PTPRN2: variants seen among roughly 807,000 people sequenced by gnomAD.
PTPRN2 encodes the protein receptor-type tyrosine-protein phosphatase N2.
Under a neutral mutation model 118.8 loss-of-function variants are expected in PTPRN2, and 74 were observed. The ratio of observed to expected loss-of-function variants is 0.62; its 90% confidence interval spans 0.52 to 0.76. The LOEUF (loss-of-function observed/expected upper bound fraction) is 0.76. PTPRN2 is among the 30% of genes least tolerant of loss of function. PTPRN2 has a pLI of 0.00. For missense variants in PTPRN2, 1,481 were observed against 1,394.4 expected, an observed-to-expected ratio of 1.06 and a Z score of -0.99; for synonymous variants, 641 against 608.0, an observed-to-expected ratio of 1.05 and a Z score of -0.80.
chr7:157,944,335 C>T lies in PTPRN2; in HGVS notation c.1724-45598G>A, dbSNP rs996277188. ...CGGTCAGTGGAGCCCACCACCCAAG[C>T]GGGGGCGGTACCACTCCCACCACTG... is the stretch of plus-strand genomic sequence containing the variant. On this transcript the variant is annotated intron_variant, in intron 11 of 22. Transcript: ENST00000389418. This position sits in a 1 kb window ranked among gnomAD's most constrained non-coding sequence, Gnocchi z 4.3. Among the ~76,000 whole-genome samples, 13 of 152,154 alleles carry T rather than the reference C, an allele frequency of 8.5e-5. No homozygotes were observed. The highest frequency in any genetic ancestry group is 7.3e-5 in the Non-Finnish European group (5 of 68,034).
chr7:158,268,054 C>T (rs1797998889), intron 3 of PTPRN2, among the ~76,000 whole-genome samples: 1 of 152,178 alleles, frequency 6.6e-6, no homozygotes, highest in African/African-American at 2.4e-5. Flanking sequence ...GGTGTGACAG[C>T]CCATTTGAGC....
At chr7:158,100,877 C>T (rs567076193) in intron 10 of PTPRN2, among the ~76,000 whole-genome samples, 30 of 152,140 alleles carry the variant, frequency 2.0e-4, no homozygotes, top group Admixed American at 7.9e-4. Flanking sequence ...TCACAGATGA[C>T]GCAAACAAAT....
At chr7:158,001,564 G>A (rs1235269920) in intron 11 of PTPRN2, among the ~76,000 whole-genome samples, 2 of 152,042 alleles carry the variant, frequency 1.3e-5, no homozygotes, top group African/African-American at 2.4e-5. Flanking sequence ...CCTGAGGACC[G>A]GGAGGGCGGC....
chr7:158,342,699 ATAT>A (rs1254383437), intron 2 of PTPRN2, among the ~76,000 whole-genome samples: 1 of 152,192 alleles, frequency 6.6e-6, no homozygotes, highest in Non-Finnish European at 1.5e-5. Context: ...TCCCCATTCC[ATAT>A]TCAGAAACTA....
At chr7:157,958,209 T>C (rs1801302551) in intron 11 of PTPRN2, among the ~76,000 whole-genome samples, 1 of 152,090 alleles carries the variant, frequency 6.6e-6, no homozygotes, top group African/African-American at 2.4e-5. Context: ...TCTTTCATGA[T>C]AAAAACGCTC....
chr7:157,976,223 G>C (rs1181142029), intron 11 of PTPRN2, among the ~76,000 whole-genome samples: 1 of 152,226 alleles, frequency 6.6e-6, no homozygotes, highest in Non-Finnish European at 1.5e-5. Flanking sequence ...ATCAAGCTCT[G>C]ATCTTTCTTC....
At chr7:158,232,485 C>A (rs1829223893) in intron 3 of PTPRN2, among the ~76,000 whole-genome samples, 1 of 152,076 alleles carries the variant, frequency 6.6e-6, no homozygotes. Flanking sequence ...AGCCCAGGAC[C>A]TGATGCCTTC....
chr7:157,590,912 C>T lies in PTPRN2; in HGVS notation c.2496+4326G>A, dbSNP rs1286126657. ...ATGTCATGTGGGTGCCAATTAGCTG[C>T]TTGGAAAAGGTCTTTTTTCTTCTTA... On this transcript the variant is annotated intron_variant, in intron 17 of 22. Coordinates refer to ENST00000389418, the MANE Select transcript of PTPRN2 (RefSeq NM_002847.5). The surrounding 1 kb of genome is among the most constrained non-coding windows in gnomAD (Gnocchi z 4.0). Among the ~76,000 whole-genome samples the T allele has an allele frequency of 6.6e-6, 1 of 152,178 alleles. No individual in the cohort carries two copies. Among genetic ancestry groups the T allele is most frequent in the African/African-American group, 2.4e-5 (1 of 41,436 alleles).
At chr7:158,371,015 A>T (rs190291022) in intron 2 of PTPRN2, among the ~76,000 whole-genome samples, 222 of 152,340 alleles carry the variant, frequency 1.5e-3, no homozygotes, top group Middle Eastern at 6.8e-3. Flanking sequence ...GAAAAAAAGT[A>T]AAAAATGTAG....
chr7:158,103,865 A>AT (rs1225817208), intron 10 of PTPRN2, among the ~76,000 whole-genome samples: 1,821 of 149,940 alleles, frequency 0.012, 23 homozygotes, highest in Non-Finnish European at 0.015. Context: ...ACAGATTATT[A>AT]TTATTTTTTT....
rs764632235 is a variant in PTPRN2 at position 157,610,262 on chromosome 7, A to G, written c.2345-6187T>C. ...GGGGTTCCCTCCTCCCAGGGGCCTC[A>G]CGGAACTCGGCAATGGGGTTCCTTC... On this transcript the variant is annotated intron_variant, in intron 15 of 22. Coordinates refer to ENST00000389418, the MANE Select transcript of PTPRN2 (RefSeq NM_002847.5). The surrounding 1 kb of genome is among the most constrained non-coding windows in gnomAD (Gnocchi z 5.1). 1.3e-5 allele frequency among the ~76,000 whole-genome samples: 2 copies of G among 152,174 alleles called. No homozygotes were observed. The highest frequency in any genetic ancestry group is 1.5e-5 in the Non-Finnish European group (1 of 68,030).
intron 1 of PTPRN2, among the ~76,000 whole-genome samples, chr7:158,524,215 G>A (rs868573689): frequency 5.5e-4 from 25 of 45,412 alleles, no homozygotes; most frequent in Non-Finnish European, 8.2e-4. Flanking sequence ...GAGTGGAGTC[G>A]TCTACCCTGG....
intron 7 of PTPRN2, 81 bp from the exon 8 acceptor site, chr7:158,136,776 G>A (rs949937982): frequency 7.5e-7 from 1 of 1,333,518 alleles, no homozygotes. Context: ...GGGTGACCCT[G>A]CAGACCCCTC....
rs982793053 is a variant in PTPRN2, at chr7:157,614,440, A to G, written c.2344+6922T>C. 3.9e-5 allele frequency among the ~76,000 whole-genome samples: 6 copies of G among 152,252 alleles called. No homozygotes were observed. In the East Asian group the frequency reaches 9.6e-4, roughly 24 times the overall value. ...TTAGGTACCATTCATATCAGGAAAA[A>G]AAGTCAGGGACAGCTGTTTCAAAAT... On this transcript the variant is annotated intron_variant, in intron 15 of 22. Coordinates refer to ENST00000389418, the MANE Select transcript of PTPRN2 (RefSeq NM_002847.5).
chr7:158,317,492 G>C (rs1365520447), intron 2 of PTPRN2, among the ~76,000 whole-genome samples: 1 of 152,230 alleles, frequency 6.6e-6, no homozygotes, highest in Non-Finnish European at 1.5e-5. Flanking sequence ...AATTTATTTA[G>C]CTCGATTCCA....
At chr7:158,288,039 G>T (rs1799874660) in intron 3 of PTPRN2, among the ~76,000 whole-genome samples, 2 of 152,016 alleles carry the variant, frequency 1.3e-5, no homozygotes, top group Admixed American at 1.3e-4. Context: ...TTGATGAATT[G>T]ACCCCTTTAT....
intron 2 of PTPRN2, among the ~76,000 whole-genome samples, chr7:158,471,386 A>C (rs1406423474): frequency 2.0e-5 from 3 of 152,098 alleles, no homozygotes; most frequent in African/African-American, 7.2e-5. Context: ...AATTCTGAGG[A>C]CAAGTTTAAA....
At chr7:158,289,424 C>T (rs1020979498) in intron 3 of PTPRN2, among the ~76,000 whole-genome samples, 1 of 152,150 alleles carries the variant, frequency 6.6e-6, no homozygotes, top group African/African-American at 2.4e-5. Context: ...GATTCTGTTT[C>T]ATCAATTCTG....
rs549088802 is a variant in PTPRN2, at chr7:158,511,615, G to A, written c.113-21830C>T. The stretch of plus-strand genomic sequence containing the variant: ...GAAACTTCTCCAGGCAACCCTGGCC[G>A]CACAGCTTTGCCTCTCACACAATCG... On this transcript the variant is annotated intron_variant, in intron 1 of 22. Transcript: ENST00000389418. Among the ~76,000 whole-genome samples, 166 of 152,280 alleles carry A rather than the reference G, an allele frequency of 1.1e-3. 3 individuals are homozygous for A. Among genetic ancestry groups the A allele is most frequent in the Middle Eastern group, 6.8e-3 (2 of 294 alleles).
Sources: allele counts gnomAD v4.1 joint callset (sites outside exome capture counted in the v4.1 genomes callset), GRCh38; gene constraint gnomAD v4.1.1; non-coding constraint Gnocchi (gnomAD v3.1); transcripts MANE v1.5; gene names NCBI Gene and HGNC (gene_info 2026-07-23, HGNC 2026-07-21).